The following BCL2L14 variants were observed in gnomAD, a reference collection of about 807,000 sequenced individuals.
The protein encoded by BCL2L14 is apoptosis facilitator Bcl-2-like protein 14.
BCL2L14 carries 27 observed loss-of-function variants against 35.3 expected under a neutral mutation model. The ratio of observed to expected loss-of-function variants is 0.76; its 90% CI spans 0.56 to 1.05. BCL2L14 has a LOEUF of 1.05. Ranked by LOEUF, BCL2L14 falls within the 50% of genes least tolerant of loss-of-function variation. BCL2L14 has a pLI of 0.00. For missense variants in BCL2L14, 377 were observed against 382.6 expected, an observed-to-expected ratio of 0.99 and a Z score of 0.12; for synonymous variants, 139 against 145.9, an observed-to-expected ratio of 0.95 and a Z score of 0.34.
Position 12,079,296 on chromosome 12 carries a change from C to T in BCL2L14, c.-7-3C>T, listed in dbSNP as rs1170940209. ...GGGCACAGTGTGGACTTTGTTGTTA[C>T]AGGCCCAACATGTGTAGCACCAGTG... On this transcript the variant is annotated splice_polypyrimidine_tract_variant and splice_region_variant and intron_variant, in intron 1 of 5. Transcript: ENST00000308721. 2 of 1,608,766 alleles carry T rather than the reference C, an allele frequency of 1.2e-6. No individual in the cohort carries two copies. Among genetic ancestry groups the T allele is most frequent in the Non-Finnish European group, 1.7e-6 (2 of 1,177,366 alleles).
At chr12:12,060,840 A>G (rs61923176) in intron 2 of BCL2L14, among the ~76,000 whole-genome samples, 28,051 of 124,070 alleles carry the variant, frequency 0.23, 3,982 homozygotes, top group Non-Finnish European at 0.26. Flanking sequence ...ACTCCTTCTC[A>G]GCTTAGCGGC....
intron 2 of BCL2L14, chr12:12,055,108 T>A (rs1948412430): frequency 6.6e-6 from 1 of 151,786 alleles, no homozygotes; most frequent in African/African-American, 2.4e-5. Flanking sequence ...GCTGGAGAGG[T>A]TGAACAATTT....
chr12:12,064,749 C>T (rs1339847584), intron 2 of BCL2L14, among the ~76,000 whole-genome samples: 5 of 152,196 alleles, frequency 3.3e-5, no homozygotes, highest in African/African-American at 9.7e-5. Flanking sequence ...TGTTTATCAC[C>T]GTGGCTTCCT....
intron 3 of BCL2L14, 130 bp from the exon 4 acceptor site, chr12:12,090,649 A>C: frequency 1.7e-6 from 1 of 595,046 alleles, no homozygotes. Flanking sequence ...TAAAAAATAA[A>C]AAAAAAAAAA....
At chr12:12,057,422 C>T (rs952107089) in intron 2 of BCL2L14, among the ~76,000 whole-genome samples, 3 of 152,162 alleles carry the variant, frequency 2.0e-5, no homozygotes, top group Non-Finnish European at 4.4e-5. Context: ...TTCCATTTTT[C>T]CCTACGCCAA....
Position 12,088,639 on chromosome 12 carries a change from G to A in BCL2L14, c.607+1253G>A, listed in dbSNP as rs117960642. On this transcript the variant is annotated intron_variant, in intron 3 of 5. Transcript: ENST00000308721. ...TTTTCATTAAAAGGAAAACCTTCCC[G>A]AGAACTTCCTTACCCTCACTATCTG... Among the ~76,000 whole-genome samples, 203 of 152,252 alleles carry A rather than the reference G, an allele frequency of 1.3e-3. 1 individual carries two copies. The highest frequency in any genetic ancestry group is 2.1e-3 in the Non-Finnish European group (145 of 68,016).
Position 12,079,733 on chromosome 12 carries a change from A to C in BCL2L14, c.428A>C (p.His143Pro). ...CLSNVEQCLE[H>P]EAVDPKVISI... Reference sequence around the variant, plus strand: ...TCTAACGTGGAGCAGTGCTTGGAGCATGAAGGTAGGCATCTGGGATTTCTT... The same window carrying C: ...TCTAACGTGGAGCAGTGCTTGGAGCCTGAAGGTAGGCATCTGGGATTTCTT... Residue 143 changes from histidine (H) to proline (P), a missense_variant, in exon 2 of 6, where the codon CAT becomes CCT. By Grantham distance (77) the His-to-Pro change is moderately conservative (BLOSUM62 -2). Transcript: ENST00000308721. 1.2e-6 allele frequency: 2 copies of C among 1,611,006 alleles called. No homozygotes were observed. The highest frequency in any genetic ancestry group is 1.7e-6 in the Non-Finnish European group (2 of 1,178,084).
chr12:12,086,755 T>C (rs1949051283), intron 2 of BCL2L14, among the ~76,000 whole-genome samples: 1 of 152,246 alleles, frequency 6.6e-6, no homozygotes, highest in Non-Finnish European at 1.5e-5. Context: ...GGGATATTTC[T>C]TTCTTCAGTG....
chr12:12,052,022 T>C (rs1251451856), intron 2 of BCL2L14, among the ~76,000 whole-genome samples: 1 of 152,188 alleles, frequency 6.6e-6, no homozygotes, highest in Non-Finnish European at 1.5e-5. Flanking sequence ...GCAAAGAAAA[T>C]AGGACACGGC....
Position 12,087,206 on chromosome 12 carries a change from G to C in BCL2L14, c.434-7G>C, listed in dbSNP as rs764181445. 9.3e-6 allele frequency: 15 copies of C among 1,613,932 alleles called. No individual in the cohort carries two copies. The highest frequency in any genetic ancestry group is 1.3e-5 in the Non-Finnish European group (15 of 1,179,856). On this transcript the variant is annotated splice_polypyrimidine_tract_variant and splice_region_variant and intron_variant, in intron 2 of 5. Coordinates refer to ENST00000308721, the MANE Select transcript of BCL2L14 (RefSeq NM_138723.2). ...GGGCCTCTCAGCACCATTTTGTCTTGTTTCAGCTGTGGACCCCAAAGTCAT... is the reference window on the plus strand; with the variant it reads ...GGGCCTCTCAGCACCATTTTGTCTTCTTTCAGCTGTGGACCCCAAAGTCAT...
chr12:12,095,342 T>G (rs1949292717), intron 5 of BCL2L14: 1 of 985,334 alleles, frequency 1.0e-6, no homozygotes, highest in African/African-American at 1.7e-5. Flanking sequence ...CTAAGCCTCA[T>G]GCAGAGACTC....
chr12:12,067,202 A>G (rs1334302656), upstream of BCL2L14, among the ~76,000 whole-genome samples: 2 of 152,020 alleles, frequency 1.3e-5, no homozygotes, highest in African/African-American at 4.8e-5. Context: ...TAGTGCTATC[A>G]TTCACTGGAA....
chr12:12,094,490 A>G, intron 4 of BCL2L14, 174 bp from the exon 5 acceptor site: 2 of 1,592,334 alleles, frequency 1.3e-6, no homozygotes, highest in Non-Finnish European at 8.6e-7. Context: ...CGAGCAGTAC[A>G]TGCCCATTCT....
At position 12,077,314 on chromosome 12, in the gene BCL2L14, G is replaced by A. The variant is rs113562225; in HGVS notation, c.-7-1985G>A. On this transcript the variant is annotated intron_variant, in intron 1 of 5. Coordinates refer to ENST00000308721, the MANE Select transcript of BCL2L14 (RefSeq NM_138723.2). ...CTCAGCACTTTGGGAGGCTGAGGCA[G>A]GTGGATCACTTGAGCCCAGGAGTTT... Among the ~76,000 whole-genome samples, 1,025 of 152,258 alleles carry A rather than the reference G, an allele frequency of 6.7e-3. 13 individuals are homozygous for A. Among genetic ancestry groups the A allele is most frequent in the African/African-American group, 0.023 (975 of 41,560 alleles).
intron 2 of BCL2L14, among the ~76,000 whole-genome samples, chr12:12,052,988 G>A (rs1282607553): frequency 6.6e-6 from 1 of 152,184 alleles, no homozygotes; most frequent in Non-Finnish European, 1.5e-5. Flanking sequence ...CAGTATTCTT[G>A]TTTCACTGAT....
At chr12:12,087,003 C>A (rs1022381422) in intron 2 of BCL2L14, among the ~76,000 whole-genome samples, 4 of 152,270 alleles carry the variant, frequency 2.6e-5, no homozygotes, top group Non-Finnish European at 4.4e-5. Flanking sequence ...TTCAAGGTGA[C>A]AATCATTCCT....
At chr12:12,056,155 TG>T (rs1948429831) in intron 2 of BCL2L14, among the ~76,000 whole-genome samples, 1 of 152,150 alleles carries the variant, frequency 6.6e-6, no homozygotes, top group Admixed American at 6.6e-5. Context: ...TTGCCTCTGC[TG>T]CATTCAGAGT....
At chr12:12,080,695 C>G (rs1296887392) in intron 2 of BCL2L14, among the ~76,000 whole-genome samples, 13 of 151,756 alleles carry the variant, frequency 8.6e-5, no homozygotes, top group Non-Finnish European at 1.5e-5. Flanking sequence ...CTTCCTAAGT[C>G]AACTCATTCG....
chr12:12,068,741 A>G (rs1035214667), upstream of BCL2L14, among the ~76,000 whole-genome samples: 6 of 152,128 alleles, frequency 3.9e-5, no homozygotes, highest in Non-Finnish European at 8.8e-5. Context: ...GGGAGGCCAC[A>G]TGGGTTCTTG....
Sources: allele counts gnomAD v4.1 joint callset (sites outside exome capture counted in the v4.1 genomes callset), GRCh38; gene constraint gnomAD v4.1.1; transcripts MANE v1.5; gene names NCBI Gene and HGNC (gene_info 2026-07-23, HGNC 2026-07-21).